RANBP2: variants seen among roughly 807,000 people sequenced by gnomAD.
The protein encoded by RANBP2 is E3 SUMO-protein ligase RanBP2.
In RANBP2, 57 loss-of-function variants were observed where a neutral mutation model predicts 303.6. That is an observed-to-expected ratio of 0.19 (90% confidence interval 0.15 to 0.23). The LOEUF (loss-of-function observed/expected upper bound fraction) is 0.23, where lower values mean the gene tolerates loss of function less well. RANBP2 is among the 10% of genes least tolerant of loss of function. RANBP2 has a pLI of 1.00. For missense variants in RANBP2, 3,138 were observed against 3,780.8 expected, an observed-to-expected ratio of 0.83 and a Z score of 4.46; for synonymous variants, 1,167 against 1,301.5, an observed-to-expected ratio of 0.90 and a Z score of 2.23.
At chr2:109,010,677 T>A in the RANBP2 span, among the ~76,000 whole-genome samples, 8 of 152,148 alleles carry the variant, frequency 5.3e-5, no homozygotes, top group East Asian at 3.9e-4. Flanking sequence ...CCTAATACCA[T>A]CACACTGGAG....
intron 1 of RANBP2, among the ~76,000 whole-genome samples, chr2:108,723,957 C>A (rs1694491483): frequency 6.6e-6 from 1 of 152,176 alleles, no homozygotes; most frequent in Non-Finnish European, 1.5e-5. Flanking sequence ...ACTGACTTCT[C>A]CAACCAGGAT....
chr2:109,299,378 GTGTT>G, the RANBP2 span, among the ~76,000 whole-genome samples: 1 of 151,690 alleles, frequency 6.6e-6, no homozygotes, highest in African/African-American at 2.4e-5. Context: ...ATTCCAGAAA[GTGTT>G]TGGCACATCA....
chr2:109,652,851 T>C, the RANBP2 span, among the ~76,000 whole-genome samples: 1 of 152,182 alleles, frequency 6.6e-6, no homozygotes, highest in Admixed American at 6.5e-5. Flanking sequence ...AGCATTGATA[T>C]ATATTTAGTG....
the RANBP2 span, among the ~76,000 whole-genome samples, chr2:109,650,501 C>A: frequency 2.0e-5 from 3 of 152,190 alleles, no homozygotes; most frequent in Admixed American, 1.3e-4. Context: ...AGGGGTCCCA[C>A]TTTCCCTCCT....
the RANBP2 span, among the ~76,000 whole-genome samples, chr2:108,916,268 G>C: frequency 7.9e-5 from 12 of 152,360 alleles, no homozygotes; most frequent in South Asian, 2.1e-4. Flanking sequence ...GCCGTGGGCT[G>C]TCTGTGAATG....
At chr2:109,007,757 TAGA>T in the RANBP2 span, among the ~76,000 whole-genome samples, 1 of 152,212 alleles carries the variant, frequency 6.6e-6, no homozygotes, top group Non-Finnish European at 1.5e-5. Context: ...TGAATATGGG[TAGA>T]AATGGACATC....
At position 108,782,367 on chromosome 2, in the gene RANBP2, T is replaced by G. The variant is rs1209029096; in HGVS notation, c.9000T>G (p.Asn3000Lys). The change falls in exon 27 of 29, where the codon AAT (asparagine) becomes AAG (lysine). Residue 3000 changes from asparagine to lysine, a missense_variant. Coordinates refer to ENST00000283195, the MANE Select transcript of RANBP2 (RefSeq NM_006267.5). ...AATTAAAGCCCTTAAATGTTTCAAA[T>G]AATGCTTTAGTTTGGACTGCCTCAG... ...TMELKPLNVS[N>K]NALVWTASDY... The G allele has an allele frequency of 1.2e-6, 2 of 1,613,996 alleles. No individual in the cohort carries two copies. The highest frequency in any genetic ancestry group is 1.7e-6 in the Non-Finnish European group (2 of 1,180,022).
At chr2:109,286,495 A>G in the RANBP2 span, among the ~76,000 whole-genome samples, 10 of 152,286 alleles carry the variant, frequency 6.6e-5, no homozygotes, top group South Asian at 1.9e-3. Flanking sequence ...AAGGCCATCT[A>G]TGCTTATCAC....
chr2:109,209,396 G>A, the RANBP2 span, among the ~76,000 whole-genome samples: 400 of 152,274 alleles, frequency 2.6e-3, 2 homozygotes, highest in African/African-American at 9.1e-3. Flanking sequence ...GATAGTGTTT[G>A]TCCATTTCCA....
the RANBP2 span, among the ~76,000 whole-genome samples, chr2:109,338,537 A>C: frequency 6.6e-6 from 1 of 152,066 alleles, no homozygotes; most frequent in South Asian, 2.1e-4. Flanking sequence ...CCCCCGGCAC[A>C]GTCAAAAACC....
the RANBP2 span, among the ~76,000 whole-genome samples, chr2:109,107,406 G>A: frequency 6.6e-6 from 1 of 152,156 alleles, no homozygotes; most frequent in South Asian, 2.1e-4. Context: ...TATGCTGGCC[G>A]AGTACCCCCT....
chr2:109,543,295 A>G, the RANBP2 span: 1 of 152,360 alleles, frequency 6.6e-6, no homozygotes, highest in Admixed American at 6.5e-5. Context: ...AAGTTTTCCT[A>G]ATGAAAGCTG....
the RANBP2 span, among the ~76,000 whole-genome samples, chr2:109,206,708 C>T: frequency 6.6e-6 from 1 of 151,990 alleles, no homozygotes; most frequent in African/African-American, 2.4e-5. Context: ...TCCAGCTACT[C>T]AGGAGACTGA....
chr2:109,525,144 T>C, the RANBP2 span, among the ~76,000 whole-genome samples: 9 of 151,112 alleles, frequency 6.0e-5, no homozygotes, highest in East Asian at 1.8e-3. Flanking sequence ...ATCATTTTTG[T>C]TTTTGTTTTT....
At chr2:109,449,485 A>C in the RANBP2 span, 3 of 1,613,790 alleles carry the variant, frequency 1.9e-6, no homozygotes, top group South Asian at 2.2e-5. Flanking sequence ...AAGAAAAGTG[A>C]AAAGGTAAGA....
At chr2:109,041,827 C>T in the RANBP2 span, among the ~76,000 whole-genome samples, 10 of 151,650 alleles carry the variant, frequency 6.6e-5, no homozygotes, top group African/African-American at 9.7e-5. Context: ...AGGTGTGAGC[C>T]AACCCGCCCG....
chr2:109,794,674 C>G, the RANBP2 span: 1 of 720,992 alleles, frequency 1.4e-6, no homozygotes, highest in Non-Finnish European at 1.6e-6. Context: ...GGCGCTGCTC[C>G]GTGGCGCGCT....
chr2:109,571,523 A>T, the RANBP2 span, among the ~76,000 whole-genome samples: 116 of 152,332 alleles, frequency 7.6e-4, 3 homozygotes, highest in South Asian at 0.023. Context: ...ACTATAATAC[A>T]ATGCTAAGTA....
the RANBP2 span, among the ~76,000 whole-genome samples, chr2:109,119,511 A>G: frequency 6.6e-6 from 1 of 152,236 alleles, no homozygotes; most frequent in Non-Finnish European, 1.5e-5. Flanking sequence ...TGCTGTGATT[A>G]TGCTGGAAGC....
Sources: gnomAD v4.1 joint callset for allele counts (sites outside exome capture counted in the v4.1 genomes callset) on GRCh38, gnomAD v4.1.1 for gene constraint, MANE v1.5 for transcripts, NCBI Gene and HGNC (gene_info 2026-07-23, HGNC 2026-07-21) for gene names.